CFAP54: variants seen among roughly 807,000 people sequenced by gnomAD.
The protein encoded by CFAP54 is cilia- and flagella-associated protein 54.
In CFAP54, 290 loss-of-function variants were observed where a neutral mutation model predicts 370.4. The ratio of observed to expected loss-of-function variants is 0.78; its 90% CI spans 0.71 to 0.86. The LOEUF (loss-of-function observed/expected upper bound fraction) is 0.86. CFAP54 is among the 40% of genes least tolerant of loss of function. CFAP54 has a pLI of 0.00. For missense variants in CFAP54, 3,399 were observed against 3,528.7 expected, an observed-to-expected ratio of 0.96 and a Z score of 0.93; for synonymous variants, 1,206 against 1,236.5, an observed-to-expected ratio of 0.98 and a Z score of 0.52.
intron 38 of CFAP54, among the ~76,000 whole-genome samples, chr12:96,658,716 C>T (rs919746821): frequency 6.6e-6 from 1 of 152,070 alleles, no homozygotes. Flanking sequence ...ACCTCCGCCT[C>T]TTCCTTAGTG....
intron 50 of CFAP54, 99 bp downstream of exon 50, chr12:96,720,664 C>T: frequency 2.0e-6 from 2 of 994,728 alleles, no homozygotes; most frequent in Non-Finnish European, 2.6e-6. Flanking sequence ...TTTAGAAATT[C>T]CTATATCCAT....
chr12:96,863,089 T>A (rs1959916523), intron 67 of CFAP54, among the ~76,000 whole-genome samples: 1 of 152,180 alleles, frequency 6.6e-6, no homozygotes, highest in Non-Finnish European at 1.5e-5. Context: ...CTTTAGTGAA[T>A]GTAAGTGCTT....
At chr12:96,849,076 C>T (rs532833416) in intron 66 of CFAP54, among the ~76,000 whole-genome samples, 2 of 152,270 alleles carry the variant, frequency 1.3e-5, no homozygotes, top group Admixed American at 6.5e-5. Context: ...AAGCTCGTGT[C>T]ATATTATCCT....
rs1220530010 is a variant in CFAP54 at position 96,757,569 on chromosome 12, G to A, written c.8021G>A (p.Gly2674Glu). The A allele has an allele frequency of 1.3e-6, 2 of 1,588,780 alleles. No homozygotes were observed. Among genetic ancestry groups the A allele is most frequent in the African/African-American group, 2.7e-5 (2 of 74,518 alleles). ...AAGAAGCCAAAGATAAAAATTTCAGGATCACCATTAACACTTAAGGTAAGA... is the reference window on the plus strand; with the variant it reads ...AAGAAGCCAAAGATAAAAATTTCAGAATCACCATTAACACTTAAGGTAAGA... ...HLKKPKIKISGSPLTLKPPLR... is the reference protein window; with the variant it reads ...HLKKPKIKISESPLTLKPPLR... Residue 2674 changes from glycine to glutamate, a missense_variant, in exon 58 of 68, where the codon GGA (glycine) becomes GAA (glutamate). Coordinates refer to ENST00000524981, the MANE Select transcript of CFAP54 (RefSeq NM_001306084.2).
chr12:96,495,302 T>C (rs922404502), intron 1 of CFAP54, among the ~76,000 whole-genome samples: 8 of 140,874 alleles, frequency 5.7e-5, no homozygotes, highest in Non-Finnish European at 1.3e-4. Flanking sequence ...CTTTCCTTCC[T>C]TCCTTCCTTC....
At chr12:96,762,849 ATCT>A (rs1958354848) in intron 58 of CFAP54, among the ~76,000 whole-genome samples, 1 of 151,804 alleles carries the variant, frequency 6.6e-6, no homozygotes, top group African/African-American at 2.4e-5. Context: ...TCCAGGTGTC[ATCT>A]TCTCCCAGGC....
Position 96,829,099 on chromosome 12 carries a change from C to A in CFAP54, c.9171+11C>A, listed in dbSNP as rs1466642059. The A allele has an allele frequency of 1.4e-6, 2 of 1,443,198 alleles. No individual in the cohort carries two copies. The highest frequency in any genetic ancestry group is 1.9e-6 in the Non-Finnish European group (2 of 1,068,360). The allele number at this position is 1,443,198 out of a possible 1,614,324, so 89.4% of individuals were successfully genotyped here. A position where few individuals can be genotyped will look rare whatever the true frequency, so the allele number is the denominator to read the frequency against. On this transcript the variant is annotated intron_variant, in intron 66 of 67. Coordinates refer to ENST00000524981, the MANE Select transcript of CFAP54 (RefSeq NM_001306084.2). ...ACACCACTATCTGAGGTATGTATTTCTCCTTTAAAATTGTATCTAATTCAC... is the reference window on the plus strand; with the variant it reads ...ACACCACTATCTGAGGTATGTATTTATCCTTTAAAATTGTATCTAATTCAC...
At chr12:96,766,578 T>C (rs915587665) in intron 60 of CFAP54, among the ~76,000 whole-genome samples, 34 of 152,156 alleles carry the variant, frequency 2.2e-4, no homozygotes, top group African/African-American at 8.2e-4. Context: ...AGAGATTCAG[T>C]TGACATCCTA....
intron 45 of CFAP54, among the ~76,000 whole-genome samples, chr12:96,699,742 C>T (rs982072097): frequency 6.6e-6 from 1 of 152,116 alleles, no homozygotes; most frequent in African/African-American, 2.4e-5. Context: ...TTGTTTTGAA[C>T]AGCCGCCTGC....
intron 50 of CFAP54, among the ~76,000 whole-genome samples, chr12:96,725,088 A>G (rs1362334249): frequency 6.6e-6 from 1 of 152,268 alleles, no homozygotes; most frequent in East Asian, 1.9e-4. Context: ...GCCTTGTAGT[A>G]TAGTTTGAAG....
intron 50 of CFAP54, among the ~76,000 whole-genome samples, chr12:96,728,750 G>T (rs563945555): frequency 1.4e-3 from 215 of 152,210 alleles, no homozygotes; most frequent in Middle Eastern, 0.014. Context: ...GAGGAGAGGC[G>T]CTCTGCTTTT....
chr12:96,771,557 C>A (rs1312272292), intron 60 of CFAP54, among the ~76,000 whole-genome samples: 1 of 152,142 alleles, frequency 6.6e-6, no homozygotes, highest in Admixed American at 6.5e-5. Context: ...GAGGCTGAGG[C>A]AGGAGAATGG....
At chr12:96,829,390 A>G (rs2136758603) in intron 66 of CFAP54, among the ~76,000 whole-genome samples, 1 of 152,278 alleles carries the variant, frequency 6.6e-6, no homozygotes, top group South Asian at 2.1e-4. Context: ...TTCCCTATGT[A>G]CAGATAAACT....
intron 2 of CFAP54, among the ~76,000 whole-genome samples, chr12:96,502,967 A>T (rs1955047203): frequency 6.6e-6 from 1 of 151,288 alleles, no homozygotes; most frequent in African/African-American, 2.4e-5. Flanking sequence ...TTTTTCTTTT[A>T]TTTTCTCTTC....
chr12:96,578,552 A>T (rs189003819), intron 20 of CFAP54, among the ~76,000 whole-genome samples: 59 of 152,300 alleles, frequency 3.9e-4, no homozygotes, highest in African/African-American at 1.3e-3. Flanking sequence ...TAATTTAATG[A>T]TTAGTTTATT....
At chr12:96,490,145 C>T (rs966181273) in intron 1 of CFAP54, among the ~76,000 whole-genome samples, 1 of 150,212 alleles carries the variant, frequency 6.7e-6, no homozygotes, top group African/African-American at 2.5e-5. Flanking sequence ...CTGCTCAGGT[C>T]AAAATAAAAA....
chr12:96,653,834 T>C (rs1325141856), intron 36 of CFAP54, among the ~76,000 whole-genome samples: 1 of 54,368 alleles, frequency 1.8e-5, no homozygotes, highest in Non-Finnish European at 4.0e-5. Flanking sequence ...ATCTTCTAAA[T>C]TAAAAATTAA....
intron 50 of CFAP54, among the ~76,000 whole-genome samples, chr12:96,724,644 T>A (rs1165078281): frequency 6.6e-6 from 1 of 152,158 alleles, no homozygotes; most frequent in Non-Finnish European, 1.5e-5. Flanking sequence ...ACTCTGATGG[T>A]AGTTTCTTTT....
At chr12:96,630,038 G>A (rs1956588795) in intron 30 of CFAP54, 55 bp from the exon 31 acceptor site, 2 of 780,788 alleles carry the variant, frequency 2.6e-6, no homozygotes, top group African/African-American at 3.5e-5. Context: ...ATTACTTTGG[G>A]GTAGTTCTGC....
Sources: gnomAD v4.1 joint callset for allele counts (sites outside exome capture counted in the v4.1 genomes callset) on GRCh38, gnomAD v4.1.1 for gene constraint, MANE v1.5 for transcripts, NCBI Gene and HGNC (gene_info 2026-07-23, HGNC 2026-07-21) for gene names.